ZIM2: variants seen among roughly 807,000 people sequenced by gnomAD.
ZIM2 encodes zinc finger imprinted 2, also known as zinc finger protein 656.
Under a neutral mutation model 38.6 loss-of-function variants are expected in ZIM2, and 14 were observed. That is an observed-to-expected ratio of 0.36 (90% CI 0.24 to 0.57). ZIM2 has a LOEUF of 0.57. Among genes scored for constraint, ZIM2 ranks in the 20% least tolerant of loss-of-function variants. The pLI is 0.81. For synonymous variants in ZIM2, 247 were observed against 245.8 expected, an observed-to-expected ratio of 1.00 and a Z score of -0.04; for missense variants, 680 against 695.1, an observed-to-expected ratio of 0.98 and a Z score of 0.24.
At chr19:56,776,231 A>G (rs1031126296) in intron 12 of ZIM2, among the ~76,000 whole-genome samples, 1 of 152,208 alleles carries the variant, frequency 6.6e-6, no homozygotes, top group Non-Finnish European at 1.5e-5. Context: ...ATGAGCAGAA[A>G]TCAGAGAAAG....
At chr19:56,809,072 A>G (rs758035998) in intron 9 of ZIM2, among the ~76,000 whole-genome samples, 1 of 152,176 alleles carries the variant, frequency 6.6e-6, no homozygotes, top group Non-Finnish European at 1.5e-5. Flanking sequence ...GCCCAAGAGT[A>G]TAAGGATTGG....
At chr19:56,787,850 T>C (rs1370610960) in intron 10 of ZIM2, among the ~76,000 whole-genome samples, 2 of 152,032 alleles carry the variant, frequency 1.3e-5, no homozygotes, top group African/African-American at 4.8e-5. Flanking sequence ...TATCCATTTC[T>C]TCTAGATTTT....
At chr19:56,804,878 A>G (rs1046582211) in intron 9 of ZIM2, among the ~76,000 whole-genome samples, 1 of 152,232 alleles carries the variant, frequency 6.6e-6, no homozygotes, top group African/African-American at 2.4e-5. Context: ...GAGGCACAGA[A>G]TAGTTAAGGA....
intron 2 of ZIM2, among the ~76,000 whole-genome samples, chr19:56,827,776 G>A (rs999337520): frequency 6.6e-5 from 10 of 152,124 alleles, no homozygotes; most frequent in Admixed American, 5.9e-4. Context: ...AAATAAATGA[G>A]TATGAAATGA....
At chr19:56,782,503 A>C (rs1334266086) in intron 10 of ZIM2, 1 of 452,184 alleles carries the variant, frequency 2.2e-6, no homozygotes, top group Non-Finnish European at 4.4e-6. Context: ...ACATGAAGAA[A>C]TATTCAATCT....
chr19:56,814,073 C>G lies in ZIM2; in HGVS notation c.490+3673G>C, dbSNP rs992715473. On this transcript the variant is annotated intron_variant, in intron 9 of 12. Coordinates refer to ENST00000629319, the MANE Select transcript of ZIM2 (RefSeq NM_001387356.1). The surrounding 1 kb of genome is among the most constrained non-coding windows in gnomAD (Gnocchi z 5.8). The stretch of plus-strand genomic sequence containing the variant: ...GCTCTTTCTTCTGGGTCTTCAATAC[C>G]TGCACCATCTGGCTCATCAGCATCC... The G allele has an allele frequency of 1.2e-6, 2 of 1,614,052 alleles. No homozygotes were observed. Among genetic ancestry groups the G allele is most frequent in the Admixed American group, 3.3e-5 (2 of 60,010 alleles).
In ZIM2 at chr19:56,816,971, C is replaced by T. The variant is rs775591929; in HGVS notation, c.490+775G>A. The T allele has an allele frequency of 2.5e-6, 4 of 1,614,056 alleles. No homozygotes were observed. Among genetic ancestry groups the T allele is most frequent in the Middle Eastern group, 1.6e-4 (1 of 6,084 alleles). On this transcript the variant is annotated intron_variant, in intron 9 of 12. Coordinates refer to ENST00000629319, the MANE Select transcript of ZIM2 (RefSeq NM_001387356.1). ...TGACTTTTCTGAACTTCACTGACAG[C>T]CACACTGTGGATAAAGGACTCACCA...
intron 9 of ZIM2, chr19:56,816,269 T>C (rs770507642): frequency 6.2e-7 from 1 of 1,613,978 alleles, no homozygotes; most frequent in South Asian, 1.1e-5. Flanking sequence ...AATGGCCCAC[T>C]ATGAATGACA....
Position 56,817,888 on chromosome 19 carries a change from C to T in ZIM2, c.398-50G>A, listed in dbSNP as rs567492433. 2.7e-5 allele frequency: 38 copies of T among 1,401,860 alleles called. No homozygotes were observed. In the African/African-American group the frequency reaches 3.1e-4, roughly 11 times the overall value. 86.8% of individuals were successfully genotyped at this position (1,401,860 alleles called of 1,614,324 possible). On this transcript the variant is annotated intron_variant, in intron 8 of 12. Transcript: ENST00000629319. Reference sequence around the variant, plus strand: ...CTCAAATTCAAGTTGAGGACCAAGACTCATCACCATAAATTGATCTTCATC... The same window carrying T: ...CTCAAATTCAAGTTGAGGACCAAGATTCATCACCATAAATTGATCTTCATC...
chr19:56,784,074 G>C (rs1600723840), intron 10 of ZIM2, among the ~76,000 whole-genome samples: 1 of 136,730 alleles, frequency 7.3e-6, no homozygotes, highest in Admixed American at 7.4e-5. Flanking sequence ...TGATTTTTCT[G>C]TCTGTTTCCA....
At chr19:56,821,518 C>A in intron 7 of ZIM2, 133 bp downstream of exon 7, 1 of 1,084,600 alleles carries the variant, frequency 9.2e-7, no homozygotes, top group African/African-American at 1.6e-5. Flanking sequence ...GGCCCGGGCT[C>A]CTCCTGGAGC....
chr19:56,779,265 A>T (rs1458660023), intron 12 of ZIM2, 112 bp downstream of exon 12: 2 of 1,002,664 alleles, frequency 2.0e-6, no homozygotes, highest in Non-Finnish European at 3.0e-6. Context: ...AGTACTGAGG[A>T]GAAAGGGCAC....
intron 1 of ZIM2, among the ~76,000 whole-genome samples, chr19:56,836,903 G>A (rs1250858809): frequency 6.8e-6 from 1 of 147,792 alleles, no homozygotes; most frequent in Non-Finnish European, 1.5e-5. Context: ...CCGGGAGGCA[G>A]AGGCTGCAGT....
intron 9 of ZIM2, among the ~76,000 whole-genome samples, chr19:56,801,992 A>G (rs2047548056): frequency 6.6e-6 from 1 of 152,194 alleles, no homozygotes; most frequent in Non-Finnish European, 1.5e-5. Context: ...ACTAACAGAA[A>G]GGATCCTAAA....
At chr19:56,787,434 C>T (rs2046669628) in intron 10 of ZIM2, among the ~76,000 whole-genome samples, 2 of 152,054 alleles carry the variant, frequency 1.3e-5, no homozygotes, top group South Asian at 4.1e-4. Flanking sequence ...TGCCACCACG[C>T]CCAGCTAATT....
chr19:56,801,978 CCTAA>C (rs1051073882), intron 9 of ZIM2, among the ~76,000 whole-genome samples: 6 of 152,080 alleles, frequency 3.9e-5, no homozygotes, highest in South Asian at 2.1e-4. Flanking sequence ...TCCCAGGTCC[CCTAA>C]CTAACAGAAA....
intron 2 of ZIM2, among the ~76,000 whole-genome samples, chr19:56,830,469 T>C (rs1171580623): frequency 1.3e-5 from 2 of 152,214 alleles, no homozygotes; most frequent in East Asian, 1.9e-4. Flanking sequence ...TAAAGACTTA[T>C]CTCAAATACA....
In ZIM2 at chr19:56,779,576, A is replaced by C. The variant is rs1453361181; in HGVS notation, c.740-104T>G. The stretch of plus-strand genomic sequence containing the variant: ...AAGGAACAAACTCTCGCAGGAGTAA[A>C]ATGAAGCCTGTTTCCAGCCTACAGA... On this transcript the variant is annotated intron_variant, in intron 11 of 12. Transcript: ENST00000629319. The C allele has an allele frequency of 2.8e-6, 3 of 1,084,234 alleles. No individual in the cohort carries two copies. In the African/African-American group the frequency reaches 4.7e-5, roughly 17 times the overall value. 67.2% of individuals were successfully genotyped at this position (1,084,234 alleles called of 1,614,324 possible). A position where few individuals can be genotyped will look rare whatever the true frequency, so the allele number is the denominator to read the frequency against.
At chr19:56,838,951 TGCCACCTGCA>T (rs2062578706) in intron 1 of ZIM2, among the ~76,000 whole-genome samples, 2 of 149,528 alleles carry the variant, frequency 1.3e-5, no homozygotes, top group Admixed American at 6.6e-5. Flanking sequence ...GTCCCGCCCA[TGCCACCTGCA>T]GCCACTTCAG....
Sources: gnomAD v4.1 joint callset for allele counts (sites outside exome capture counted in the v4.1 genomes callset) on GRCh38, gnomAD v4.1.1 for gene constraint, Gnocchi (gnomAD v3.1) non-coding constraint, MANE v1.5 for transcripts, NCBI Gene and HGNC (gene_info 2026-07-23, HGNC 2026-07-21) for gene names.